Variants in SP1 observed in about 807,000 individuals in gnomAD.
The protein encoded by SP1 is Sp1 transcription factor.
A neutral mutation model predicts 66.3 loss-of-function variants in SP1; 6 were observed. The ratio of observed to expected loss-of-function variants is 0.09; its 90% CI spans 0.05 to 0.18. SP1 has a LOEUF of 0.18. Among genes scored for constraint, SP1 ranks in the 10% least tolerant of loss-of-function variants. The pLI, the probability that SP1 is intolerant of heterozygous loss-of-function variation, is 1.00. For missense variants in SP1, 848 were observed against 964.5 expected (o/e 0.88, Z 1.60); for synonymous variants, 417 against 360.8 (o/e 1.16, Z -1.77).
In SP1 at chr12:53,409,363, G is replaced by T; in HGVS notation, c.1846G>T (p.Gly616Cys). 1 of 1,613,162 alleles carries T rather than the reference G, an allele frequency of 6.2e-7. No homozygotes were observed. The highest frequency in any genetic ancestry group is 1.7e-4 in the Middle Eastern group (1 of 5,786). ...CPYCKDSEGR[G>C]SGDPGKKKQH... is the part of the protein sequence containing the mutation. ...TAACAGTTGTGTCCTCACTTTCAGG[G>T]GCTCGGGGGATCCTGGCAAAAAGAA... Residue 616 changes from glycine (G) to cysteine (C), a missense_variant and splice_region_variant, in exon 5 of 6, where the codon GGC (glycine) becomes TGC (cysteine). By Grantham distance (159) the Gly-to-Cys change is radical. This residue lies in a region of SP1 where 18 missense variants were observed against 19.0 expected (regional missense o/e 0.95). Coordinates refer to ENST00000327443, the MANE Select transcript of SP1 (RefSeq NM_138473.3).
intron 3 of SP1, among the ~76,000 whole-genome samples, chr12:53,406,324 C>G (rs1461380919): frequency 3.3e-5 from 5 of 152,014 alleles, no homozygotes. Context: ...CCACCTCGGC[C>G]TCCCAAAGTG....
intron 3 of SP1, among the ~76,000 whole-genome samples, chr12:53,400,301 CATA>C (rs537485515): frequency 1.4e-3 from 215 of 152,242 alleles, no homozygotes; most frequent in African/African-American, 5.0e-3. Flanking sequence ...TTTCAATTAG[CATA>C]ATATTTCCAA....
rs190388085 is a variant in SP1 at position 53,407,089 on chromosome 12, G to T, written c.1844+336G>T. On this transcript the variant is annotated intron_variant, in intron 4 of 5. Coordinates refer to ENST00000327443, the MANE Select transcript of SP1 (RefSeq NM_138473.3). ...TCTGCCCGCCTCGGCCTCCTAAAGT[G>T]CTGGGATTACCAGCGTGAGCCACCA... 3.3e-4 allele frequency among the ~76,000 whole-genome samples: 50 copies of T among 151,892 alleles called. 1 individual carries two copies. Among genetic ancestry groups the T allele is most frequent in the Admixed American group, 2.2e-3 (33 of 15,240 alleles).
chr12:53,407,821 A>G (rs1201564500), intron 4 of SP1, among the ~76,000 whole-genome samples: 2 of 150,094 alleles, frequency 1.3e-5, no homozygotes, highest in Admixed American at 6.6e-5. Flanking sequence ...TATTTTTAGT[A>G]GAGACGGGGT....
At chr12:53,407,410 C>G (rs949414339) in intron 4 of SP1, among the ~76,000 whole-genome samples, 7 of 151,412 alleles carry the variant, frequency 4.6e-5, no homozygotes. Context: ...TCACTGCAAC[C>G]TCCACCTCCT....
intron 3 of SP1, among the ~76,000 whole-genome samples, chr12:53,403,537 A>G (rs1160250105): frequency 6.9e-6 from 1 of 144,352 alleles, no homozygotes; most frequent in East Asian, 2.0e-4. Context: ...TTTTTTTTGT[A>G]GAGATGAGGT....
intron 1 of SP1, among the ~76,000 whole-genome samples, chr12:53,381,018 C>T (rs1938084682): frequency 8.1e-6 from 1 of 123,314 alleles, no homozygotes; most frequent in African/African-American, 3.3e-5. Context: ...ATGGTGCGAT[C>T]TCGGCTCACT....
In SP1 at chr12:53,382,996, A is replaced by G. The variant is rs771533267; in HGVS notation, c.1049A>G (p.Asn350Ser). The change falls in exon 3 of 6, where the codon AAC becomes AGC. Residue 350 changes from asparagine (N) to serine (S), a missense_variant. Coordinates refer to ENST00000327443, the MANE Select transcript of SP1 (RefSeq NM_138473.3). Reference protein sequence around the residue: ...NFTTSGSSGTNSQGQTPQRVS... With the variant: ...NFTTSGSSGTSSQGQTPQRVS... The stretch of plus-strand genomic sequence containing the variant: ...ACTACCAGTGGATCATCAGGGACCA[A>G]CTCTCAAGGCCAGACACCCCAGAGG... The G allele has an allele frequency of 8.1e-6, 13 of 1,613,980 alleles. No individual in the cohort carries two copies. The African/African-American group carries it at 1.6e-4, about 20-fold the overall frequency.
intron 3 of SP1, among the ~76,000 whole-genome samples, chr12:53,391,606 AG>A (rs1938354081): frequency 6.6e-6 from 1 of 151,992 alleles, no homozygotes; most frequent in Non-Finnish European, 1.5e-5. Context: ...TACAGGTGTG[AG>A]CCACTGCGCC....
chr12:53,412,930 CTG>C lies in SP1; in HGVS notation c.*1726_*1727del, dbSNP rs57242856. 39,455 of 147,058 alleles carry C rather than the reference CTG, an allele frequency of 0.27. 5,682 individuals are homozygous for C. Among genetic ancestry groups the C allele is most frequent in the South Asian group, 0.48 (2,146 of 4,506 alleles). 9.1% of individuals were successfully genotyped at this position (147,058 alleles called of 1,614,324 possible). On this transcript the variant is annotated 3_prime_UTR_variant, in exon 6 of 6. Coordinates refer to ENST00000327443, the MANE Select transcript of SP1 (RefSeq NM_138473.3). ...TGTGAGGAAGTGTGGAAAAATAGCT[CTG>C]TGTGTGTGTGTGTGTGTGTGTGTGT...
chr12:53,400,630 G>A (rs1043313285), intron 3 of SP1, among the ~76,000 whole-genome samples: 4 of 151,980 alleles, frequency 2.6e-5, no homozygotes, highest in South Asian at 2.1e-4. Context: ...GCCTTGCTCC[G>A]TCGCCCAGGC....
At chr12:53,391,082 T>C (rs1938339652) in intron 3 of SP1, among the ~76,000 whole-genome samples, 2 of 152,298 alleles carry the variant, frequency 1.3e-5, no homozygotes, top group African/African-American at 4.8e-5. Context: ...TCAACTTTAG[T>C]AGATAATAAT....
intron 3 of SP1, 33 bp downstream of exon 3, chr12:53,383,655 A>G (rs1938161720): frequency 6.5e-7 from 1 of 1,545,132 alleles, no homozygotes; most frequent in African/African-American, 1.4e-5. Flanking sequence ...TTTATTGGGA[A>G]CCAACTCTAG....
intron 3 of SP1, among the ~76,000 whole-genome samples, chr12:53,395,160 G>T (rs1218704060): frequency 1.3e-5 from 2 of 152,020 alleles, no homozygotes; most frequent in South Asian, 4.1e-4. Flanking sequence ...GGCTAACATG[G>T]TGAAACCTCG....
chr12:53,392,347 ATTTTTTTTTTTT>A (rs574953864), intron 3 of SP1, among the ~76,000 whole-genome samples: 50 of 85,344 alleles, frequency 5.9e-4, no homozygotes, highest in African/African-American at 3.4e-3. Context: ...CACCTGGCTA[ATTTTTTTTTTTT>A]TTTTTTTTTT....
chr12:53,387,600 TTAA>T (rs1410684900), intron 3 of SP1, among the ~76,000 whole-genome samples: 1 of 152,202 alleles, frequency 6.6e-6, no homozygotes, highest in African/African-American at 2.4e-5. Flanking sequence ...AGAGAATCAC[TTAA>T]TGAGACAACA....
intron 3 of SP1, among the ~76,000 whole-genome samples, chr12:53,395,526 A>G (rs1938468958): frequency 6.6e-6 from 1 of 152,214 alleles, no homozygotes; most frequent in Non-Finnish European, 1.5e-5. Context: ...TTAGTAATAA[A>G]TTACTAGCAG....
intron 3 of SP1, among the ~76,000 whole-genome samples, chr12:53,385,633 G>A (rs1218927482): frequency 6.8e-6 from 1 of 146,776 alleles, no homozygotes; most frequent in Non-Finnish European, 1.5e-5. Flanking sequence ...TTTGATTATG[G>A]GCTGGGCGCG....
chr12:53,395,755 C>G (rs914015692), intron 3 of SP1, among the ~76,000 whole-genome samples: 16 of 150,406 alleles, frequency 1.1e-4, no homozygotes, highest in African/African-American at 3.7e-4. Context: ...ATCAGGAGGT[C>G]AGGAGATCGA....
Sources: gnomAD v4.1 joint callset for allele counts (sites outside exome capture counted in the v4.1 genomes callset) on GRCh38, gnomAD v4.1.1 for gene constraint, gnomAD v4.1.1 regional missense constraint, MANE v1.5 for transcripts, NCBI Gene and HGNC (gene_info 2026-07-23, HGNC 2026-07-21) for gene names.